Variants in TAF12 observed in about 807,000 individuals in gnomAD.
TAF12 encodes the protein TATA-box binding protein associated factor 12, also known as transcription initiation factor TFIID subunit 12.
TAF12 carries 3 observed loss-of-function variants against 20.8 expected under a neutral mutation model. That is an observed-to-expected ratio of 0.14 (90% confidence interval 0.07 to 0.37). The LOEUF is 0.37. Among genes scored for constraint, TAF12 ranks in the 10% least tolerant of loss-of-function variants. The pLI, the probability that TAF12 is intolerant of heterozygous loss-of-function variation, is 1.00. For synonymous variants in TAF12, 69 were observed against 70.2 expected, an observed-to-expected ratio of 0.98 and a Z score of 0.09; for missense variants, 131 against 197.9, an observed-to-expected ratio of 0.66 and a Z score of 2.03.
In TAF12 at chr1:28,603,558, C is replaced by T; in HGVS notation, c.467G>A (p.Arg156Gln). Residue 156 changes from arginine to glutamine, a missense_variant, in exon 6 of 6, where the codon CGG becomes CAG. Transcript: ENST00000373824. ...CGTGTGTTATTTCTTGGTTGTTTTCCGGATCAATGCCATTCTCTGAAAGGA... is the reference window on the plus strand; with the variant it reads ...CGTGTGTTATTTCTTGGTTGTTTTCTGGATCAATGCCATTCTCTGAAAGGA... Reference protein sequence around the residue: ...EAHKQRMALIRKTTKK With the variant: ...EAHKQRMALIQKTTKK The T allele has an allele frequency of 1.2e-6, 2 of 1,613,658 alleles. No homozygotes were observed. Among genetic ancestry groups the T allele is most frequent in the Non-Finnish European group, 1.7e-6 (2 of 1,180,006 alleles).
At chr1:28,636,692 T>C (rs999678366) in intron 1 of TAF12, among the ~76,000 whole-genome samples, 2 of 151,802 alleles carry the variant, frequency 1.3e-5, no homozygotes, top group South Asian at 4.2e-4. Flanking sequence ...TCCCAGCTAC[T>C]TGGGAGGTTA....
At chr1:28,626,920 A>T (rs969080735) in intron 1 of TAF12, among the ~76,000 whole-genome samples, 2 of 152,156 alleles carry the variant, frequency 1.3e-5, no homozygotes, top group African/African-American at 4.8e-5. Flanking sequence ...TCAAAAAAAA[A>T]ATTTTTTTTT....
At chr1:28,644,771 GA>G (rs1462394610), upstream of TAF12, among the ~76,000 whole-genome samples, 73 of 152,358 alleles carry the variant, frequency 4.8e-4, no homozygotes, top group Non-Finnish European at 8.8e-5. Context: ...TGGTAACCGG[GA>G]AAGACAATGA....
At chr1:28,632,387 G>C (rs975487319) in intron 1 of TAF12, among the ~76,000 whole-genome samples, 3 of 152,182 alleles carry the variant, frequency 2.0e-5, no homozygotes, top group African/African-American at 7.2e-5. Context: ...AGTGAGCCAA[G>C]ATTACGCCAT....
chr1:28,606,116 A>G (rs1666655901), intron 4 of TAF12, among the ~76,000 whole-genome samples: 1 of 152,106 alleles, frequency 6.6e-6, no homozygotes, highest in Admixed American at 6.6e-5. Flanking sequence ...CTCCTGCCTC[A>G]GACTCCCGAG....
chr1:28,624,110 A>G (rs755104045), intron 1 of TAF12: 1 of 613,774 alleles, frequency 1.6e-6, no homozygotes, highest in Non-Finnish European at 2.0e-6. Flanking sequence ...ATCTTCACCA[A>G]CCAGGATCCA....
chr1:28,611,660 A>G (rs1166653807), intron 4 of TAF12, among the ~76,000 whole-genome samples: 1 of 152,174 alleles, frequency 6.6e-6, no homozygotes, highest in Non-Finnish European at 1.5e-5. Context: ...AGAGGCTAGA[A>G]GGAGGCAAGA....
At chr1:28,614,741 T>G (rs926246778) in intron 3 of TAF12, among the ~76,000 whole-genome samples, 2 of 151,308 alleles carry the variant, frequency 1.3e-5, no homozygotes, top group African/African-American at 4.9e-5. Context: ...AGTCTAAATC[T>G]TGAGTTCTTT....
chr1:28,610,279 T>A (rs1351075370), intron 4 of TAF12, among the ~76,000 whole-genome samples: 3 of 152,232 alleles, frequency 2.0e-5, no homozygotes, highest in African/African-American at 4.8e-5. Context: ...ATTTGTTTTT[T>A]AATTATGTAT....
chr1:28,624,840 G>A (rs1667331898), intron 1 of TAF12, among the ~76,000 whole-genome samples: 1 of 152,122 alleles, frequency 6.6e-6, no homozygotes, highest in African/African-American at 2.4e-5. Context: ...AGTATGTACT[G>A]GTTAAAAAAC....
At chr1:28,630,988 T>C (rs916543034) in intron 1 of TAF12, among the ~76,000 whole-genome samples, 1 of 139,548 alleles carries the variant, frequency 7.2e-6, no homozygotes, top group Non-Finnish European at 1.5e-5. Context: ...GAGGTTGCAG[T>C]GAGCTGAGAC....
upstream of TAF12, among the ~76,000 whole-genome samples, chr1:28,646,888 C>T (rs890002230): frequency 1.1e-4 from 17 of 151,994 alleles, no homozygotes; most frequent in East Asian, 1.9e-4. Context: ...TTAGTAGAGA[C>T]GGGGTTTCAC....
At chr1:28,640,213 A>G (rs1409770337) in intron 1 of TAF12, among the ~76,000 whole-genome samples, 1 of 152,168 alleles carries the variant, frequency 6.6e-6, no homozygotes, top group South Asian at 2.1e-4. Flanking sequence ...AAAGCTCTAC[A>G]AAGTTCCCGT....
intron 2 of TAF12, among the ~76,000 whole-genome samples, chr1:28,619,127 G>C (rs1667128987): frequency 6.6e-6 from 1 of 152,078 alleles, no homozygotes; most frequent in Non-Finnish European, 1.5e-5. Context: ...CGAGGTGGGA[G>C]GACTACCTGA....
intron 1 of TAF12, among the ~76,000 whole-genome samples, chr1:28,631,026 T>G (rs149203481): frequency 0.025 from 3,037 of 120,198 alleles, 43 homozygotes; most frequent in Non-Finnish European, 0.038. Context: ...TCCTGGGTGA[T>G]AGAGTGAGAC....
chr1:28,616,345 G>A (rs1297125875), intron 3 of TAF12, among the ~76,000 whole-genome samples: 8 of 148,250 alleles, frequency 5.4e-5, no homozygotes, highest in African/African-American at 1.8e-4. Context: ...GCAGTGAGCC[G>A]ATATCGCACC....
At chr1:28,606,069 G>A (rs951620457) in intron 4 of TAF12, among the ~76,000 whole-genome samples, 3 of 151,950 alleles carry the variant, frequency 2.0e-5, no homozygotes, top group African/African-American at 2.4e-5. Context: ...TGCGATCTCG[G>A]CTCACTGAAA....
chr1:28,645,039 C>CTT (rs546596213), upstream of TAF12, among the ~76,000 whole-genome samples: 4 of 143,446 alleles, frequency 2.8e-5, no homozygotes, highest in Non-Finnish European at 3.1e-5. Context: ...GATGAATTTT[C>CTT]TTTTTTTTTT....
chr1:28,632,976 G>A (rs555256657), intron 1 of TAF12, among the ~76,000 whole-genome samples: 132 of 152,036 alleles, frequency 8.7e-4, no homozygotes, highest in Non-Finnish European at 1.6e-3. Flanking sequence ...CAATTCTCCT[G>A]TCTCAGCCTC....
Sources: gnomAD v4.1 joint callset for allele counts (sites outside exome capture counted in the v4.1 genomes callset) on GRCh38, gnomAD v4.1.1 for gene constraint, MANE v1.5 for transcripts, NCBI Gene and HGNC (gene_info 2026-07-23, HGNC 2026-07-21) for gene names.